Variants in ANXA1 observed in about 807,000 individuals in gnomAD.
ANXA1 encodes the protein annexin I (lipocortin I).
In ANXA1, 39 loss-of-function variants were observed where a neutral mutation model predicts 47.9. The observed-to-expected ratio is 0.81, with a 90% CI of 0.63 to 1.06. The LOEUF is 1.06. Among genes scored for constraint, ANXA1 ranks in the 50% least tolerant of loss-of-function variants. The pLI is 0.00. For synonymous variants in ANXA1, 146 were observed against 142.5 expected, an observed-to-expected ratio of 1.02 and a Z score of -0.17; for missense variants, 446 against 422.7, an observed-to-expected ratio of 1.06 and a Z score of -0.48.
chr9:73,167,657 C>A, intron 11 of ANXA1, 102 bp downstream of exon 11: 1 of 1,046,412 alleles, frequency 9.6e-7, no homozygotes, highest in Non-Finnish European at 1.4e-6. Context: ...TAATATCTTC[C>A]CATTAATGAG....
intron 1 of ANXA1, among the ~76,000 whole-genome samples, chr9:73,152,631 A>G (rs1222346762): frequency 3.3e-5 from 5 of 152,170 alleles, no homozygotes; most frequent in African/African-American, 1.2e-4. Context: ...AAGAAGGGAA[A>G]TACTTTCTGG....
intron 1 of ANXA1, among the ~76,000 whole-genome samples, chr9:73,153,452 C>T (rs992818622): frequency 7.2e-5 from 11 of 152,072 alleles, no homozygotes; most frequent in African/African-American, 2.7e-4. Flanking sequence ...TATATAATGC[C>T]TTCCTTCATT....
chr9:73,157,566 A>ATTG (rs1046756509), intron 1 of ANXA1: 3 of 146,516 alleles, frequency 2.0e-5, no homozygotes, highest in African/African-American at 7.6e-5. Context: ...AGGCAGGAGA[A>ATTG]TTGCTTGAAC....
intron 11 of ANXA1, 171 bp downstream of exon 11, chr9:73,167,726 T>C (rs1824256889): frequency 1.7e-6 from 1 of 592,062 alleles, no homozygotes; most frequent in Admixed American, 3.6e-5. Flanking sequence ...TAAACTTCTG[T>C]TAGATTCGGT....
Position 73,158,699 on chromosome 9 carries a change from C to T in ANXA1, c.71C>T (p.Thr24Ile). 6.2e-7 allele frequency: 1 copy of T among 1,613,730 alleles called. No individual in the cohort carries two copies. The highest frequency in any genetic ancestry group is 8.5e-7 in the Non-Finnish European group (1 of 1,179,782). Residue 24 changes from threonine (T) to isoleucine (I), a missense_variant, in exon 3 of 13, where the codon ACT becomes ATT. By Grantham distance (89) the Thr-to-Ile change is moderately conservative (BLOSUM62 -1). Coordinates refer to ENST00000257497, the MANE Select transcript of ANXA1 (RefSeq NM_000700.3). ...TTATTTCTCTCTCATTCTTAGCAAA[C>T]TGTGAAGTCATCCAAAGGTGGTCCC... ...IENEEQEYVQ[T>I]VKSSKGGPGS... is the part of the protein sequence containing the mutation.
chr9:73,153,005 CAGG>C (rs537675743), intron 1 of ANXA1, among the ~76,000 whole-genome samples: 37 of 152,296 alleles, frequency 2.4e-4, no homozygotes, highest in African/African-American at 8.7e-4. Context: ...CCTCTTTCCA[CAGG>C]AGTATTTTGG....
intron 1 of ANXA1, chr9:73,157,638 A>T (rs1824069315): frequency 6.9e-6 from 1 of 145,156 alleles, no homozygotes. Context: ...TGGGCGACAG[A>T]GAAAGACTCC....
chr9:73,153,321 G>A (rs1275297629), intron 1 of ANXA1, among the ~76,000 whole-genome samples: 2 of 152,128 alleles, frequency 1.3e-5, no homozygotes, highest in African/African-American at 4.8e-5. Context: ...TCAAATCAGA[G>A]GTAAACCAGC....
chr9:73,164,974 G>A (rs760147260), intron 8 of ANXA1, 142 bp from the exon 9 acceptor site: 10 of 593,790 alleles, frequency 1.7e-5, no homozygotes, highest in Non-Finnish European at 2.6e-5. Flanking sequence ...TATCTTTAAA[G>A]AACTTGCAAT....
intron 8 of ANXA1, among the ~76,000 whole-genome samples, chr9:73,164,410 T>A (rs1057240378): frequency 6.6e-6 from 1 of 152,158 alleles, no homozygotes; most frequent in African/African-American, 2.4e-5. Flanking sequence ...AGAGTTAGCA[T>A]TTGAATAATT....
At position 73,167,490 on chromosome 9, in the gene ANXA1, C is replaced by T. The variant is rs372730961; in HGVS notation, c.803-7C>T. On this transcript the variant is annotated splice_region_variant and splice_polypyrimidine_tract_variant and intron_variant, in intron 10 of 12. Coordinates refer to ENST00000257497, the MANE Select transcript of ANXA1 (RefSeq NM_000700.3). ...AATACATCAACTAAAATTTTCTTCTCTAACAGTGAAGTGCGCCACAAGCAA... is the reference window on the plus strand; with the variant it reads ...AATACATCAACTAAAATTTTCTTCTTTAACAGTGAAGTGCGCCACAAGCAA... The T allele has an allele frequency of 2.7e-5, 43 of 1,611,866 alleles. No homozygotes were observed. Among genetic ancestry groups the T allele is most frequent in the East Asian group, 1.3e-4 (6 of 44,848 alleles).
chr9:73,154,365 A>G (rs200975700), intron 1 of ANXA1: 173 of 1,365,194 alleles, frequency 1.3e-4, no homozygotes, highest in Middle Eastern at 2.1e-4. Context: ...AAGAACACTG[A>G]TCATGTCATT....
chr9:73,165,375 G>T, intron 9 of ANXA1, 166 bp downstream of exon 9: 1 of 542,006 alleles, frequency 1.8e-6, no homozygotes. Context: ...GTCCAATTTT[G>T]TACAGCCGCT....
chr9:73,155,279 G>T (rs1824030160), intron 1 of ANXA1, among the ~76,000 whole-genome samples: 1 of 152,152 alleles, frequency 6.6e-6, no homozygotes, highest in Admixed American at 6.6e-5. Context: ...GCTTATCTTT[G>T]GTTAGTTGAA....
Position 73,160,200 on chromosome 9 carries a change from TCA to T in ANXA1, c.271-60_271-59del, listed in dbSNP as rs1824114034. ...TACGATGACCTAAAGTCAGGTAATA[TCA>T]CATTTTTTAACCTAGCATGTTACTT... On this transcript the variant is annotated intron_variant, in intron 4 of 12. Transcript: ENST00000257497. 2.5e-6 allele frequency: 3 copies of T among 1,181,912 alleles called. No homozygotes were observed. The East Asian group carries it at 7.7e-5, about 30-fold the overall frequency. The allele number at this position is 1,181,912 out of a possible 1,614,324, so 73.2% of individuals were successfully genotyped here. A position where few individuals can be genotyped will look rare whatever the true frequency, so the allele number is the denominator to read the frequency against.
At chr9:73,166,274 C>A in intron 10 of ANXA1, 82 bp downstream of exon 10, 3 of 942,486 alleles carry the variant, frequency 3.2e-6, no homozygotes, top group Non-Finnish European at 4.8e-6. Context: ...AGAACAACAG[C>A]AACAAAACCA....
rs1352331937 is a variant in ANXA1, at chr9:73,165,152, G to T, written c.649G>T (p.Asp217Tyr). 1.2e-6 allele frequency: 2 copies of T among 1,612,724 alleles called. No homozygotes were observed. The highest frequency in any genetic ancestry group is 2.7e-5 in the African/African-American group (2 of 74,864). Residue 217 changes from aspartate to tyrosine, a missense_variant, in exon 9 of 13, where the codon GAC becomes TAC. Physicochemically the swap from Asp to Tyr is radical, Grantham distance 160 (BLOSUM62 -3). Coordinates refer to ENST00000257497, the MANE Select transcript of ANXA1 (RefSeq NM_000700.3). ...AGCAGGAGAAAGGAGAAAGGGGACA[G>T]ACGTAAACGTGTTCAATACCATCCT... The part of the protein sequence containing the change: ...YEAGERRKGT[D>Y]VNVFNTILTT...
At chr9:73,154,269 T>C in intron 1 of ANXA1, 1 of 1,357,244 alleles carries the variant, frequency 7.4e-7, no homozygotes, top group Non-Finnish European at 9.8e-7. Flanking sequence ...CATTTAAAAA[T>C]AAACTCCCTA....
rs1320673405 is a variant in ANXA1, at chr9:73,158,316, A to T, written c.-14-206A>T. ...AAGAAAGAGTTCAATTTCAGAGAGGAGGGTATGGTTTCATTTTAAGTATAA... is the reference window on the plus strand; with the variant it reads ...AAGAAAGAGTTCAATTTCAGAGAGGTGGGTATGGTTTCATTTTAAGTATAA... On this transcript the variant is annotated intron_variant, in intron 1 of 12. Transcript: ENST00000257497. The T allele has an allele frequency of 1.2e-4, 57 of 491,314 alleles. 2 individuals carry two copies. Among genetic ancestry groups the T allele is most frequent in the South Asian group, 8.6e-4 (36 of 41,942 alleles). 30.4% of individuals were successfully genotyped at this position (491,314 alleles called of 1,614,324 possible). A position where few individuals can be genotyped will look rare whatever the true frequency, so the allele number is the denominator to read the frequency against.
Sources: gnomAD v4.1 joint callset for allele counts (sites outside exome capture counted in the v4.1 genomes callset) on GRCh38, gnomAD v4.1.1 for gene constraint, MANE v1.5 for transcripts, NCBI Gene and HGNC (gene_info 2026-07-23, HGNC 2026-07-21) for gene names.